Variants in HLA-DQA1 observed in about 807,000 individuals in gnomAD.
HLA-DQA1 encodes HLA class II histocompatibility antigen, DQ alpha 1 chain.
Under a neutral mutation model 20.7 loss-of-function variants are expected in HLA-DQA1, and 10 were observed. The ratio of observed to expected loss-of-function variants is 0.48; its 90% CI spans 0.30 to 0.82. The LOEUF (loss-of-function observed/expected upper bound fraction) is 0.82. Ranked by LOEUF, HLA-DQA1 falls within the 40% of genes least tolerant of loss-of-function variation. The probability of loss-of-function intolerance (pLI) is 0.07; values close to 1 mark genes in which losing one functional copy is unlikely to be tolerated. For missense variants in HLA-DQA1, 127 were observed against 293.0 expected (o/e 0.43, Z 4.14); for synonymous variants, 39 against 109.2 (o/e 0.36, Z 4.01).
downstream of HLA-DQA1, among the ~76,000 whole-genome samples, chr6:32,649,497 T>G (rs1425328118): frequency 3.1e-5 from 3 of 96,416 alleles, 1 homozygote; most frequent in African/African-American, 1.1e-4. Context: ...ATATATAGAC[T>G]GATGGAACAG....
chr6:32,642,539 CCCCAT>C lies in HLA-DQA1; in HGVS notation c.614-61_614-57del. 3.9e-6 allele frequency: 5 copies of C among 1,287,440 alleles called. No individual in the cohort carries two copies. The South Asian group carries it at 4.7e-5, about 12-fold the overall frequency. The allele number at this position is 1,287,440 out of a possible 1,614,324, so 79.8% of individuals were successfully genotyped here. On this transcript the variant is annotated intron_variant, in intron 3 of 4. Transcript: ENST00000343139. ...GAGTCTTTGCAGAGCCAACCCTCTACCCCATCCCATCCCACACACATGCACATGAG... is the reference window on the plus strand; with the variant it reads ...GAGTCTTTGCAGAGCCAACCCTCTACCCCATCCCACACACATGCACATGAG...
chr6:32,654,461 A>C, the HLA-DQA1 span, among the ~76,000 whole-genome samples: 3 of 108,842 alleles, frequency 2.8e-5, no homozygotes, highest in Non-Finnish European at 6.1e-5. Context: ...AGAATGCTCA[A>C]GTCCCTTATT....
At chr6:32,650,925 G>A (rs1350594210), downstream of HLA-DQA1, among the ~76,000 whole-genome samples, 18 of 77,378 alleles carry the variant, frequency 2.3e-4, 6 homozygotes, top group East Asian at 7.3e-3. Flanking sequence ...ACAGAGTCTC[G>A]CTTTGTTGCC....
chr6:32,655,247 A>G, the HLA-DQA1 span, among the ~76,000 whole-genome samples: 1 of 79,044 alleles, frequency 1.3e-5, no homozygotes, highest in Non-Finnish European at 2.8e-5. Context: ...TCTTGTTCAA[A>G]TAAAGTTTTC....
At chr6:32,644,001 T>C (rs36214155), downstream of HLA-DQA1, 15,034 of 78,164 alleles carry the variant, frequency 0.19, 924 homozygotes, top group Admixed American at 0.22. Flanking sequence ...GGAGACAGTA[T>C]AGTGAATATG....
chr6:32,642,873 G>A, intron 4 of HLA-DQA1, 79 bp from the exon 5 acceptor site: 1 of 877,382 alleles, frequency 1.1e-6, no homozygotes, highest in Non-Finnish European at 1.8e-6. Flanking sequence ...GTTGAAAGTT[G>A]TAGGGGAATT....
intron 3 of HLA-DQA1, 116 bp from the exon 4 acceptor site, chr6:32,642,494 C>A: frequency 1.2e-6 from 1 of 845,730 alleles, no homozygotes; most frequent in Non-Finnish European, 1.9e-6. Context: ...CTTCACTCTT[C>A]TCCCTAAGCC....
At chr6:32,647,592 TTC>T (rs2150983392), downstream of HLA-DQA1, among the ~76,000 whole-genome samples, 1 of 152,314 alleles carries the variant, frequency 6.6e-6, no homozygotes, top group African/African-American at 2.4e-5. Flanking sequence ...CAGAGAAGCA[TTC>T]TGTTTGAAGT....
chr6:32,641,743 C>A (rs28383459), intron 2 of HLA-DQA1, among the ~76,000 whole-genome samples, 185 bp downstream of exon 2: 12,088 of 113,704 alleles, frequency 0.11, 1,281 homozygotes, highest in South Asian at 0.15. Flanking sequence ...TCAGCAAATC[C>A]TTCTAGGAGA....
At chr6:32,652,850 T>C in the HLA-DQA1 span, among the ~76,000 whole-genome samples, 4 of 151,182 alleles carry the variant, frequency 2.6e-5, no homozygotes, top group South Asian at 6.3e-4. Context: ...TTATGAAAGA[T>C]GGCTCATGAA....
chr6:32,637,418 C>T lies in HLA-DQA1; in HGVS notation c.-41C>T, dbSNP rs771761512. 9 of 997,272 alleles carry T rather than the reference C, an allele frequency of 9.0e-6. 2 individuals are homozygous for T. The highest frequency in any genetic ancestry group is 1.3e-5 in the Non-Finnish European group (9 of 696,556). 61.8% of individuals were successfully genotyped at this position (997,272 alleles called of 1,614,324 possible). ...TCTTGAGGTCCTCACAATTACTCTA[C>T]AGCTCAGAACACCAACTGCTGAGGC... is the stretch of plus-strand genomic sequence containing the variant. On this transcript the variant is annotated 5_prime_UTR_variant, in exon 1 of 5. Transcript: ENST00000343139.
downstream of HLA-DQA1, chr6:32,644,354 G>A (rs116366701): frequency 1.1e-3 from 174 of 152,298 alleles, 1 homozygote; most frequent in African/African-American, 4.0e-3. Flanking sequence ...ATACAGTATA[G>A]TTTGGTGCAA....
At chr6:32,648,014 ATG>A (rs879822221), downstream of HLA-DQA1, among the ~76,000 whole-genome samples, 15,427 of 57,918 alleles carry the variant, frequency 0.27, 938 homozygotes, top group Middle Eastern at 0.38. Flanking sequence ...AAGGAAAAGA[ATG>A]AGGTAAAACG....
downstream of HLA-DQA1, chr6:32,645,114 C>T (rs1186154512): frequency 7.3e-6 from 1 of 137,542 alleles, no homozygotes; most frequent in Non-Finnish European, 1.6e-5. Flanking sequence ...ATATATAACA[C>T]CAAGAGTTAG....
At chr6:32,647,891 G>T (rs17843584), downstream of HLA-DQA1, among the ~76,000 whole-genome samples, 85,836 of 151,174 alleles carry the variant, frequency 0.57, 24,625 homozygotes, top group Middle Eastern at 0.7. Flanking sequence ...ATTAAAATAA[G>T]GTGAAAAGAG....
At chr6:32,640,933 C>T (rs9272664) in intron 1 of HLA-DQA1, among the ~76,000 whole-genome samples, 21,439 of 76,314 alleles carry the variant, frequency 0.28, 4,869 homozygotes, top group East Asian at 0.41. Flanking sequence ...AGATAAATCT[C>T]AGGAAGCAGA....
chr6:32,655,150 TG>T, the HLA-DQA1 span, among the ~76,000 whole-genome samples: 2,666 of 107,082 alleles, frequency 0.025, 58 homozygotes, highest in East Asian at 0.096. Flanking sequence ...CAAAAAGTCA[TG>T]TAGTACCCTG....
the HLA-DQA1 span, among the ~76,000 whole-genome samples, chr6:32,653,129 G>A: frequency 1.1e-3 from 147 of 130,760 alleles, 11 homozygotes; most frequent in Middle Eastern, 8.8e-3. Context: ...AACATTCCCA[G>A]CAATGAGAGA....
chr6:32,641,261 C>T (rs28383438), intron 1 of HLA-DQA1, 49 bp from the exon 2 acceptor site: 70,262 of 1,084,850 alleles, frequency 0.065, 6,354 homozygotes, highest in South Asian at 0.12. Flanking sequence ...TATTAAGGTT[C>T]TTTCTTCCCC....
Sources: allele counts gnomAD v4.1 joint callset (sites outside exome capture counted in the v4.1 genomes callset), GRCh38; gene constraint gnomAD v4.1.1; transcripts MANE v1.5; gene names NCBI Gene and HGNC (gene_info 2026-07-23, HGNC 2026-07-21).